The following UBE3B variants were observed in gnomAD, a reference collection of about 807,000 sequenced individuals.
UBE3B encodes ubiquitin-protein ligase E3B.
In UBE3B, 80 loss-of-function variants were observed where a neutral mutation model predicts 132.3. The observed-to-expected ratio is 0.60, with a 90% confidence interval of 0.50 to 0.73. The LOEUF is 0.73. Ranked by LOEUF, UBE3B falls within the 30% of genes least tolerant of loss-of-function variation. UBE3B has a pLI of 0.00. For missense variants in UBE3B, 1,196 were observed against 1,362.5 expected (o/e 0.88, Z 1.92); for synonymous variants, 487 against 520.4 (o/e 0.94, Z 0.87).
Position 109,510,368 on chromosome 12 carries a change from A to C in UBE3B, c.1766A>C (p.Glu589Ala). 6.2e-7 allele frequency: 1 copy of C among 1,610,720 alleles called. No homozygotes were observed. The highest frequency in any genetic ancestry group is 8.5e-7 in the Non-Finnish European group (1 of 1,178,688). The change falls in exon 17 of 28, where the codon GAG becomes GCG. Residue 589 changes from glutamate to alanine, a missense_variant. Glu to Ala is a moderately radical substitution (Grantham distance 107). Coordinates refer to ENST00000342494, the MANE Select transcript of UBE3B (RefSeq NM_130466.4). The stretch of plus-strand genomic sequence containing the variant: ...GAGAACGCCAAGGGTGAGACCTTGG[A>C]GCTGTTCCAGTCTGTCCACGGGTGG... ...IVENAKGETL[E>A]LFQSVHGWLM...
rs113970795 is a variant in UBE3B at position 109,498,260 on chromosome 12, A to G, written c.847A>G (p.Met283Val). 1 of 1,614,156 alleles carries G rather than the reference A, an allele frequency of 6.2e-7. No homozygotes were observed. The highest frequency in any genetic ancestry group is 8.5e-7 in the Non-Finnish European group (1 of 1,180,008). The change falls in exon 11 of 28, where the codon ATG becomes GTG. Residue 283 changes from methionine to valine, a missense_variant. By Grantham distance (21) the Met-to-Val change is conservative. Coordinates refer to ENST00000342494, the MANE Select transcript of UBE3B (RefSeq NM_130466.4). Reference protein sequence around the residue: ...ERLTVLESHDMLRKFIIFLRD... With the variant: ...ERLTVLESHDVLRKFIIFLRD... ...CCTCACTGTTTTAGAATCCCATGAC[A>G]TGCTTCGTAAATTCATCATATTTTT...
chr12:109,532,695 G>A lies in UBE3B; in HGVS notation c.2923-771G>A, dbSNP rs73414043. 5.3e-5 allele frequency among the ~76,000 whole-genome samples: 8 copies of A among 152,196 alleles called. No homozygotes were observed. In the South Asian group the frequency reaches 1.2e-3, roughly 24 times the overall value. On this transcript the variant is annotated intron_variant, in intron 26 of 27. Transcript: ENST00000342494. ...TTGCAGGAATAACGCAGGGGCTGCC[G>A]CTTGGAGAACGCCGGGAGTTCCCAG...
At chr12:109,515,877 T>C (rs1217324494) in intron 18 of UBE3B, among the ~76,000 whole-genome samples, 1 of 152,128 alleles carries the variant, frequency 6.6e-6, no homozygotes, top group African/African-American at 2.4e-5. Flanking sequence ...GGAGAGAGGG[T>C]TCCTTTCAAG....
intron 14 of UBE3B, among the ~76,000 whole-genome samples, chr12:109,506,547 C>A (rs965598148): frequency 2.0e-5 from 3 of 152,208 alleles, no homozygotes; most frequent in African/African-American, 7.2e-5. Context: ...CAGTGTTTCT[C>A]ATCATGTTGG....
chr12:109,525,094 C>T (rs1375399583), intron 23 of UBE3B, among the ~76,000 whole-genome samples: 1 of 152,088 alleles, frequency 6.6e-6, no homozygotes, highest in African/African-American at 2.4e-5. Flanking sequence ...AATGCAGAGC[C>T]GACTTATTAG....
intron 18 of UBE3B, among the ~76,000 whole-genome samples, chr12:109,512,929 A>T (rs186095674): frequency 1.3e-5 from 2 of 152,226 alleles, no homozygotes; most frequent in African/African-American, 2.4e-5. Context: ...CTGTGGCTTT[A>T]CTTTTCCAAA....
chr12:109,511,184 C>T lies in UBE3B; in HGVS notation c.1857-20C>T, dbSNP rs746106778. Reference sequence around the variant, plus strand: ...GTTTCCTTCTTTTAATTCTCCCAAACCCATGTCTTTCTTCTCAAGGGATCT... The same window carrying T: ...GTTTCCTTCTTTTAATTCTCCCAAATCCATGTCTTTCTTCTCAAGGGATCT... On this transcript the variant is annotated intron_variant, in intron 17 of 27. Transcript: ENST00000342494. 3 of 1,611,792 alleles carry T rather than the reference C, an allele frequency of 1.9e-6. No homozygotes were observed. The highest frequency in any genetic ancestry group is 1.1e-5 in the South Asian group (1 of 90,938).
intron 9 of UBE3B, among the ~76,000 whole-genome samples, chr12:109,494,254 TTTC>T (rs2135871417): frequency 6.6e-6 from 1 of 152,334 alleles, no homozygotes; most frequent in East Asian, 1.9e-4. Flanking sequence ...ACTCATACTC[TTTC>T]TTCTTATTCT....
intron 11 of UBE3B, 48 bp from the exon 12 acceptor site, chr12:109,499,585 C>T (rs1566086987): frequency 1.3e-6 from 2 of 1,487,006 alleles, no homozygotes; most frequent in Non-Finnish European, 1.8e-6. Flanking sequence ...CCGGGAGGCA[C>T]CAAAATGTTT....
intron 13 of UBE3B, among the ~76,000 whole-genome samples, chr12:109,502,622 G>T (rs1203255258): frequency 6.6e-6 from 1 of 152,178 alleles, no homozygotes; most frequent in Non-Finnish European, 1.5e-5. Flanking sequence ...AGAACTAGAG[G>T]TTGTCACGCC....
At chr12:109,486,726 G>C in intron 6 of UBE3B, 151 bp downstream of exon 6, 1 of 675,230 alleles carries the variant, frequency 1.5e-6, no homozygotes, top group South Asian at 2.0e-5. Flanking sequence ...TTTTGATTCT[G>C]TTATCAATAT....
the UBE3B span, among the ~76,000 whole-genome samples, chr12:109,546,494 G>A: frequency 6.6e-6 from 1 of 152,208 alleles, no homozygotes; most frequent in Non-Finnish European, 1.5e-5. Flanking sequence ...CCTGAAGCTG[G>A]GTCTCTTTAG....
chr12:109,491,009 A>G (rs750801159), intron 8 of UBE3B, 36 bp from the exon 9 acceptor site: 3 of 1,599,252 alleles, frequency 1.9e-6, no homozygotes, highest in Non-Finnish European at 2.6e-6. Context: ...TATAAAGTTG[A>G]TATCATCCTC....
At chr12:109,523,878 G>A (rs765892898) in intron 21 of UBE3B, 100 bp from the exon 22 acceptor site, 295 of 1,522,726 alleles carry the variant, frequency 1.9e-4, no homozygotes, top group Non-Finnish European at 2.2e-4. Context: ...TGGAAATGCC[G>A]ATGGCACCCC....
intron 18 of UBE3B, among the ~76,000 whole-genome samples, chr12:109,513,294 G>A (rs1486427416): frequency 6.6e-6 from 1 of 152,164 alleles, no homozygotes; most frequent in Non-Finnish European, 1.5e-5. Context: ...CACGTGTGCT[G>A]TGGCCACTGG....
In UBE3B at chr12:109,489,130, A is replaced by G. The variant is rs557871772; in HGVS notation, c.544+462A>G. ...TCAACAAGTAGCCCATACATGCCAG[A>G]TGCCTCTAGGCGCTGAAGACAGATA... On this transcript the variant is annotated intron_variant, in intron 7 of 27. Transcript: ENST00000342494. Among the ~76,000 whole-genome samples, 4 of 152,354 alleles carry G rather than the reference A, an allele frequency of 2.6e-5. No individual in the cohort carries two copies. In the East Asian group the frequency reaches 7.7e-4, roughly 29 times the overall value.
rs1412140905 is a variant in UBE3B, at chr12:109,530,017, G to A, written c.2755G>A (p.Glu919Lys). Residue 919 changes from glutamate to lysine, a missense_variant, in exon 25 of 28, where the codon GAA becomes AAA. Physicochemically the swap from Glu to Lys is moderately conservative, Grantham distance 56. Transcript: ENST00000342494. ...GTGGATCCGAATGTTCTCAACTCCTGAACTGCAGCGTCTCATCTCTGGCGA... is the reference window on the plus strand; with the variant it reads ...GTGGATCCGAATGTTCTCAACTCCTAAACTGCAGCGTCTCATCTCTGGCGA... ...PEWIRMFSTP[E>K]LQRLISGDNA... The A allele has an allele frequency of 6.2e-7, 1 of 1,613,930 alleles. No individual in the cohort carries two copies. Among genetic ancestry groups the A allele is most frequent in the Non-Finnish European group, 8.5e-7 (1 of 1,180,010 alleles).
chr12:109,494,385 C>T (rs1484217205), intron 9 of UBE3B, among the ~76,000 whole-genome samples: 1 of 152,150 alleles, frequency 6.6e-6, no homozygotes, highest in Non-Finnish European at 1.5e-5. Context: ...ACTGCCGTGG[C>T]ATTGATTTTC....
In UBE3B at chr12:109,507,752, G is replaced by A; in HGVS notation, c.1622+17G>A. 1 of 1,603,212 alleles carries A rather than the reference G, an allele frequency of 6.2e-7. No homozygotes were observed. Among genetic ancestry groups the A allele is most frequent in the Non-Finnish European group, 8.5e-7 (1 of 1,174,108 alleles). ...CCTCATCACGTAGGTTGACTGCTGT[G>A]GGACTGAATTCCTTTCCTAGAATAT... On this transcript the variant is annotated intron_variant, in intron 15 of 27. Coordinates refer to ENST00000342494, the MANE Select transcript of UBE3B (RefSeq NM_130466.4).
Sources: gnomAD v4.1 joint callset for allele counts (sites outside exome capture counted in the v4.1 genomes callset) on GRCh38, gnomAD v4.1.1 for gene constraint, MANE v1.5 for transcripts, NCBI Gene and HGNC (gene_info 2026-07-23, HGNC 2026-07-21) for gene names.